The following PCDH15 variants were observed in gnomAD, a reference collection of about 807,000 sequenced individuals.
PCDH15 encodes the protein protocadherin related 15.
PCDH15 carries 129 observed loss-of-function variants against 178.5 expected under a neutral mutation model. The observed-to-expected ratio is 0.72, with a 90% confidence interval of 0.63 to 0.84. The LOEUF (loss-of-function observed/expected upper bound fraction) is 0.84, where lower values mean the gene tolerates loss of function less well. Ranked by LOEUF, PCDH15 falls within the 40% of genes least tolerant of loss-of-function variation. PCDH15 has a pLI of 0.00. For missense variants in PCDH15, 2,230 were observed against 2,099.9 expected (o/e 1.06, Z -1.21); for synonymous variants, 800 against 732.0 (o/e 1.09, Z -1.50).
At chr10:54,609,438 G>A (rs1427396505) in intron 2 of PCDH15, among the ~76,000 whole-genome samples, 5 of 151,994 alleles carry the variant, frequency 3.3e-5, no homozygotes, top group African/African-American at 1.2e-4. Flanking sequence ...AAAAAATGCA[G>A]CTATCTAATT....
intron 3 of PCDH15, among the ~76,000 whole-genome samples, chr10:54,416,165 A>G (rs754543903): frequency 1.8e-4 from 27 of 151,994 alleles, no homozygotes; most frequent in Admixed American, 2.0e-4. Context: ...TAAAATTTTT[A>G]CTTTAAGTTC....
At chr10:54,669,859 C>T (rs1295393349) in intron 1 of PCDH15, among the ~76,000 whole-genome samples, 1 of 151,644 alleles carries the variant, frequency 6.6e-6, no homozygotes, top group African/African-American at 2.4e-5. Flanking sequence ...TCCAGACCAG[C>T]CTGGCAAACT....
At chr10:54,816,666 A>G (rs1393094000) in intron 3 of PCDH15, among the ~76,000 whole-genome samples, 1 of 152,130 alleles carries the variant, frequency 6.6e-6, no homozygotes, top group Non-Finnish European at 1.5e-5. Flanking sequence ...TTCCAAAATT[A>G]ATGTTAAATA....
At chr10:55,507,451 T>C (rs1840782194) in intron 2 of PCDH15, among the ~76,000 whole-genome samples, 1 of 151,514 alleles carries the variant, frequency 6.6e-6, no homozygotes, top group Admixed American at 6.6e-5. Flanking sequence ...GGATTCTATA[T>C]CCTTTCTTAA....
intron 1 of PCDH15, among the ~76,000 whole-genome samples, chr10:54,724,254 G>C (rs547604736): frequency 1.8e-5 from 2 of 113,750 alleles, no homozygotes; most frequent in Non-Finnish European, 4.0e-5. Flanking sequence ...GATGGAACTA[G>C]AGGTCATTAT....
intron 10 of PCDH15, among the ~76,000 whole-genome samples, 195 bp from the exon 11 acceptor site, chr10:54,196,084 T>C (rs572955510): frequency 5.4e-4 from 83 of 152,328 alleles, no homozygotes; most frequent in African/African-American, 1.9e-3. Flanking sequence ...TTCAGTCTTC[T>C]GTTTTAAAAC....
At chr10:55,379,631 A>G (rs1428284277) in intron 2 of PCDH15, among the ~76,000 whole-genome samples, 1 of 152,010 alleles carries the variant, frequency 6.6e-6, no homozygotes, top group Non-Finnish European at 1.5e-5. Flanking sequence ...AGCTGTAAAT[A>G]CTTATTTACA....
intron 2 of PCDH15, among the ~76,000 whole-genome samples, chr10:55,134,197 GC>G (rs1289654626): frequency 1.2e-4 from 19 of 152,016 alleles, no homozygotes; most frequent in African/African-American, 4.3e-4. Context: ...GGGGAGCCTT[GC>G]TATTCATCCA....
At chr10:55,469,526 C>T (rs1839912057) in intron 2 of PCDH15, among the ~76,000 whole-genome samples, 4 of 152,046 alleles carry the variant, frequency 2.6e-5, no homozygotes, top group Admixed American at 1.3e-4. Context: ...GGATATGCTT[C>T]ATTGTTTATA....
At chr10:55,433,751 T>C (rs1228263176) in intron 2 of PCDH15, among the ~76,000 whole-genome samples, 1 of 152,172 alleles carries the variant, frequency 6.6e-6, no homozygotes, top group Non-Finnish European at 1.5e-5. Context: ...AACGTTCTTG[T>C]AAATATTTAT....
chr10:54,918,036 C>G (rs1356876477), intron 2 of PCDH15, among the ~76,000 whole-genome samples: 1 of 151,832 alleles, frequency 6.6e-6, no homozygotes, highest in Non-Finnish European at 1.5e-5. Context: ...TTCTCCCTCT[C>G]CATACTTTAA....
intron 2 of PCDH15, among the ~76,000 whole-genome samples, chr10:55,547,415 G>C (rs1564447796): frequency 2.0e-5 from 3 of 152,086 alleles, no homozygotes; most frequent in Admixed American, 2.0e-4. Flanking sequence ...ATGGCATATT[G>C]GATCTGAGTA....
chr10:54,527,022 A>G (rs533652063), intron 3 of PCDH15, among the ~76,000 whole-genome samples: 45 of 152,304 alleles, frequency 3.0e-4, no homozygotes, highest in African/African-American at 9.6e-4. Flanking sequence ...TACAAGCTTA[A>G]TGGAAGAGTC....
intron 3 of PCDH15, among the ~76,000 whole-genome samples, chr10:54,424,801 T>C (rs1360369522): frequency 1.4e-5 from 2 of 138,896 alleles, no homozygotes; most frequent in Non-Finnish European, 3.0e-5. Flanking sequence ...TAGGTGGGAA[T>C]TGAACAATGA....
intron 2 of PCDH15, among the ~76,000 whole-genome samples, chr10:55,511,574 G>A (rs1424461528): frequency 2.0e-5 from 3 of 151,964 alleles, no homozygotes; most frequent in Admixed American, 2.0e-4. Context: ...TTCTAAAATT[G>A]TTGTTGCTTA....
intron 1 of PCDH15, among the ~76,000 whole-genome samples, chr10:55,298,748 T>C (rs970334192): frequency 1.3e-5 from 2 of 152,116 alleles, no homozygotes; most frequent in African/African-American, 4.8e-5. Flanking sequence ...ACCTAACGAA[T>C]TTTTTCTTTT....
rs371275338 is a variant in PCDH15, at chr10:53,981,227, A to G, written c.2868+14422T>C. ...TAATAAGATTTCAATTATTTTCTTC[A>G]TTATTCAGCACATTTTCTACTTTTG... On this transcript the variant is annotated intron_variant, in intron 21 of 37. Transcript: ENST00000644397. Among the ~76,000 whole-genome samples the G allele has an allele frequency of 1.3e-3, 193 of 152,318 alleles. 5 individuals are homozygous for G. The South Asian group carries it at 0.025, about 20-fold the overall frequency.
intron 1 of PCDH15, among the ~76,000 whole-genome samples, chr10:54,674,621 T>C (rs1346185660): frequency 6.6e-6 from 1 of 152,116 alleles, no homozygotes; most frequent in African/African-American, 2.4e-5. Flanking sequence ...AATGTGAAGA[T>C]GGATAATTTG....
At chr10:53,830,679 T>C (rs990666485) in intron 30 of PCDH15, among the ~76,000 whole-genome samples, 3 of 152,194 alleles carry the variant, frequency 2.0e-5, no homozygotes, top group Non-Finnish European at 2.9e-5. Flanking sequence ...AATTTTAAAA[T>C]ATGGATATTG....
Sources: allele counts gnomAD v4.1 joint callset (sites outside exome capture counted in the v4.1 genomes callset), GRCh38; gene constraint gnomAD v4.1.1; transcripts MANE v1.5; gene names NCBI Gene and HGNC (gene_info 2026-07-23, HGNC 2026-07-21).